The following FYB2 variants were observed in gnomAD, a reference collection of about 807,000 sequenced individuals.
FYB2 encodes FYN binding protein 2.
A neutral mutation model predicts 94.1 loss-of-function variants in FYB2; 103 were observed. The ratio of observed to expected loss-of-function variants is 1.09; its 90% confidence interval spans 0.93 to 1.29. The LOEUF (loss-of-function observed/expected upper bound fraction) is 1.29, where lower values mean the gene tolerates loss of function less well. FYB2 is among the 50% of genes most tolerant of loss of function. The pLI is 0.00. For synonymous variants in FYB2, 293 were observed against 287.9 expected (o/e 1.02, Z -0.18); for missense variants, 896 against 841.5 (o/e 1.06, Z -0.80).
intron 3 of FYB2, among the ~76,000 whole-genome samples, chr1:56,787,428 C>T (rs769861555): frequency 3.9e-5 from 6 of 152,204 alleles, no homozygotes; most frequent in Non-Finnish European, 7.4e-5. Context: ...TTTATGGGTA[C>T]AATCTCTTGC....
At chr1:56,769,027 TATC>T (rs1247793867) in intron 4 of FYB2, among the ~76,000 whole-genome samples, 1 of 151,966 alleles carries the variant, frequency 6.6e-6, no homozygotes, top group African/African-American at 2.4e-5. Context: ...GGTGAATTAT[TATC>T]ATTAGTATTA....
Position 56,799,807 on chromosome 1 carries a change from G to A in FYB2, c.10-7004C>T, listed in dbSNP as rs543079957. On this transcript the variant is annotated intron_variant, in intron 1 of 19. Transcript: ENST00000343433. ...GCTAGGTAACCCTCTCTATGTCACC[G>A]CTCTCTGCCTTAACATCTACAATGG... is the stretch of plus-strand genomic sequence containing the variant. Among the ~76,000 whole-genome samples the A allele has an allele frequency of 5.9e-5, 9 of 152,222 alleles. No individual in the cohort carries two copies. In the South Asian group the frequency reaches 1.2e-3, roughly 21 times the overall value.
chr1:56,754,274 C>T (rs1449120633), intron 7 of FYB2, among the ~76,000 whole-genome samples: 1 of 151,952 alleles, frequency 6.6e-6, no homozygotes, highest in African/African-American at 2.4e-5. Context: ...TGAGTCTAGA[C>T]TCTCATAATT....
At position 56,792,559 on chromosome 1, in the gene FYB2, C is replaced by T. The variant is rs772413420; in HGVS notation, c.254G>A (p.Ser85Asn). ...GGAGTTAGAACATTTTGGAATTTCA[C>T]TCTTCTGAGCCAACTTTATTTTCTG... ...QPQKIKLAQK[S>N]EIPKCSNSPG... The change falls in exon 2 of 20, where the codon AGT becomes AAT. Residue 85 changes from serine (S) to asparagine (N), a missense_variant. Transcript: ENST00000343433. The T allele has an allele frequency of 3.7e-6, 6 of 1,614,146 alleles. No homozygotes were observed. Among genetic ancestry groups the T allele is most frequent in the South Asian group, 2.2e-5 (2 of 91,088 alleles).
chr1:56,814,010 C>A (rs1646825397), intron 1 of FYB2, among the ~76,000 whole-genome samples: 1 of 152,120 alleles, frequency 6.6e-6, no homozygotes. Flanking sequence ...ACAGTCTAGA[C>A]CTGGGTCTGA....
At chr1:56,761,938 G>A (rs1359095098) in intron 5 of FYB2, 4 of 151,834 alleles carry the variant, frequency 2.6e-5, no homozygotes, top group Non-Finnish European at 5.9e-5. Flanking sequence ...GTTTATTTTC[G>A]TTTACCTATG....
chr1:56,790,264 T>C lies in FYB2; in HGVS notation c.758-1130A>G, dbSNP rs955171887. ...AAGCTGGAAGGGAGGGAAAGCTTCC[T>C]TATTGCTCCACCCACAGCGGGTTAC... On this transcript the variant is annotated intron_variant, in intron 2 of 19. Coordinates refer to ENST00000343433, the MANE Select transcript of FYB2 (RefSeq NM_001004303.5). Among the ~76,000 whole-genome samples the C allele has an allele frequency of 2.6e-5, 4 of 152,234 alleles. 1 individual carries two copies. The highest frequency in any genetic ancestry group is 2.9e-5 in the Non-Finnish European group (2 of 68,040).
chr1:56,758,534 TG>T (rs1176894715), intron 6 of FYB2, among the ~76,000 whole-genome samples, 181 bp downstream of exon 6: 2 of 152,166 alleles, frequency 1.3e-5, no homozygotes, highest in African/African-American at 4.8e-5. Context: ...CACACATTTT[TG>T]TCTCTGACAG....
At chr1:56,748,459 G>A (rs1048117883) in intron 9 of FYB2, among the ~76,000 whole-genome samples, 7 of 151,838 alleles carry the variant, frequency 4.6e-5, no homozygotes, top group East Asian at 1.9e-4. Context: ...TCTGTTTTCC[G>A]CATGTGGCTA....
chr1:56,792,921 C>T, intron 1 of FYB2, 118 bp from the exon 2 acceptor site: 2 of 1,082,230 alleles, frequency 1.8e-6, no homozygotes, highest in Non-Finnish European at 2.7e-6. Context: ...TCTCACTGAT[C>T]TCACCATGTT....
intron 16 of FYB2, 70 bp from the exon 17 acceptor site, chr1:56,723,751 G>A (rs541277325): frequency 3.6e-6 from 3 of 831,454 alleles, no homozygotes; most frequent in Non-Finnish European, 3.8e-6. Flanking sequence ...AGCCTACGAA[G>A]TCACTTCATT....
upstream of FYB2, among the ~76,000 whole-genome samples, chr1:56,820,486 TG>T (rs1646978749): frequency 6.6e-6 from 1 of 152,206 alleles, no homozygotes; most frequent in African/African-American, 2.4e-5. Flanking sequence ...GCCTGCGCCC[TG>T]CTTTATGTGT....
intron 9 of FYB2, 143 bp downstream of exon 9, chr1:56,750,901 T>C (rs1182847868): frequency 2.2e-5 from 20 of 919,370 alleles, no homozygotes; most frequent in Non-Finnish European, 3.0e-5. Context: ...TTTCCACTAC[T>C]GCACAGCTTC....
rs1644442199 is a variant in FYB2, at chr1:56,719,323, C to G, written c.*348G>C. 4.7e-6 allele frequency: 1 copy of G among 210,534 alleles called. No homozygotes were observed. Among genetic ancestry groups the G allele is most frequent in the African/African-American group, 2.3e-5 (1 of 43,506 alleles). 13.0% of individuals were successfully genotyped at this position (210,534 alleles called of 1,614,324 possible). On this transcript the variant is annotated 3_prime_UTR_variant, in exon 20 of 20. Transcript: ENST00000343433. ...CTCATATACTAATATTAGAAGCAAA[C>G]TAACCATCTGCACAACTGACTAGGT...
intron 13 of FYB2, among the ~76,000 whole-genome samples, chr1:56,740,071 A>AGTT (rs1204602120): frequency 6.6e-6 from 1 of 152,076 alleles, no homozygotes; most frequent in African/African-American, 2.4e-5. Context: ...ATATGCCCAC[A>AGTT]GTTGTACATG....
chr1:56,752,392 C>T (rs919003700), intron 8 of FYB2, among the ~76,000 whole-genome samples: 2 of 151,954 alleles, frequency 1.3e-5, no homozygotes, highest in Admixed American at 1.3e-4. Context: ...AGGTAATTGT[C>T]CTTCTGACTA....
chr1:56,800,724 T>C (rs565102158), intron 1 of FYB2, among the ~76,000 whole-genome samples: 1 of 152,242 alleles, frequency 6.6e-6, no homozygotes, highest in African/African-American at 2.4e-5. Context: ...TGGCCAGTGC[T>C]CTTGGTGAGA....
chr1:56,732,169 C>T (rs1015015138), intron 15 of FYB2, among the ~76,000 whole-genome samples: 12 of 152,108 alleles, frequency 7.9e-5, no homozygotes, highest in South Asian at 2.1e-4. Context: ...AAATTAGTAG[C>T]GTTTCTATAC....
intron 9 of FYB2, among the ~76,000 whole-genome samples, chr1:56,745,212 T>C (rs1280981058): frequency 6.6e-6 from 1 of 152,068 alleles, no homozygotes; most frequent in African/African-American, 2.4e-5. Flanking sequence ...TCCTTCCTTT[T>C]GGCTGAAGCA....
Sources: gnomAD v4.1 joint callset for allele counts (sites outside exome capture counted in the v4.1 genomes callset) on GRCh38, gnomAD v4.1.1 for gene constraint, MANE v1.5 for transcripts, NCBI Gene and HGNC (gene_info 2026-07-23, HGNC 2026-07-21) for gene names.